FAF1: variants seen among roughly 807,000 people sequenced by gnomAD.
The protein encoded by FAF1 is Fas associated factor 1, also known as FAS-associated factor 1.
FAF1 carries 25 observed loss-of-function variants against 92.5 expected under a neutral mutation model. The observed-to-expected ratio is 0.27, with a 90% CI of 0.20 to 0.38. The LOEUF (loss-of-function observed/expected upper bound fraction) is 0.38. Ranked by LOEUF, FAF1 falls within the 10% of genes least tolerant of loss-of-function variation. The probability of loss-of-function intolerance (pLI) is 1.00; values close to 1 mark genes in which losing one functional copy is unlikely to be tolerated. For missense variants in FAF1, 636 were observed against 793.3 expected (o/e 0.80, Z 2.38); for synonymous variants, 234 against 273.2 (o/e 0.86, Z 1.42).
intron 13 of FAF1, among the ~76,000 whole-genome samples, chr1:50,547,679 G>A (rs1035118079): frequency 6.6e-6 from 1 of 152,160 alleles, no homozygotes; most frequent in Non-Finnish European, 1.5e-5. Flanking sequence ...CTCCCAAAGT[G>A]CTGGGATTAC....
intron 1 of FAF1, among the ~76,000 whole-genome samples, chr1:50,958,433 T>G (rs572409357): frequency 1.4e-4 from 22 of 152,186 alleles, no homozygotes; most frequent in African/African-American, 5.3e-4. Flanking sequence ...ATCCCAGCAC[T>G]TTGGGAGGCC....
At position 50,626,328 on chromosome 1, in the gene FAF1, C is replaced by T. The variant is rs906411518; in HGVS notation, c.744+29114G>A. Among the ~76,000 whole-genome samples, 6 of 151,978 alleles carry T rather than the reference C, an allele frequency of 3.9e-5. No individual in the cohort carries two copies. In the East Asian group the frequency reaches 9.6e-4, roughly 24 times the overall value. On this transcript the variant is annotated intron_variant, in intron 8 of 18. Transcript: ENST00000396153. ...AATAATGAACAAAAACAGACATATG[C>T]CCTTGTGGAACATATGGTATAAAAT...
At chr1:50,877,093 G>A (rs1424347264) in intron 1 of FAF1, among the ~76,000 whole-genome samples, 1 of 152,180 alleles carries the variant, frequency 6.6e-6, no homozygotes, top group Non-Finnish European at 1.5e-5. Context: ...TATTCCTAAA[G>A]TATGGGATGC....
At chr1:50,571,517 TC>T (rs1223129525) in intron 12 of FAF1, among the ~76,000 whole-genome samples, 1 of 152,182 alleles carries the variant, frequency 6.6e-6, no homozygotes, top group East Asian at 1.9e-4. Flanking sequence ...TCCTGAACTA[TC>T]CATGCAAAAT....
intron 15 of FAF1, among the ~76,000 whole-genome samples, chr1:50,523,188 C>T (rs1647595833): frequency 6.6e-6 from 1 of 151,916 alleles, no homozygotes; most frequent in Admixed American, 6.6e-5. Context: ...GGATTATTTC[C>T]ACTTTTTGGC....
intron 13 of FAF1, among the ~76,000 whole-genome samples, chr1:50,542,212 T>A (rs559973507): frequency 6.6e-6 from 1 of 152,298 alleles, no homozygotes; most frequent in South Asian, 2.1e-4. Context: ...AAATATGAAT[T>A]ATGTTTGAGA....
At chr1:50,539,943 C>A (rs1269068307) in intron 13 of FAF1, among the ~76,000 whole-genome samples, 2 of 152,002 alleles carry the variant, frequency 1.3e-5, no homozygotes, top group Non-Finnish European at 2.9e-5. Flanking sequence ...ACCCTAAATG[C>A]TGTCTGGGGC....
chr1:50,613,034 T>C (rs1652749986), intron 8 of FAF1, among the ~76,000 whole-genome samples: 1 of 152,232 alleles, frequency 6.6e-6, no homozygotes, highest in African/African-American at 2.4e-5. Flanking sequence ...GGTTGCTTTG[T>C]ATATGCCATG....
chr1:50,464,992 G>C (rs960636323), intron 18 of FAF1, among the ~76,000 whole-genome samples: 1 of 152,128 alleles, frequency 6.6e-6, no homozygotes, highest in Non-Finnish European at 1.5e-5. Context: ...TCCCCTGCCT[G>C]GTGGTATTTC....
rs185538320 is a variant in FAF1 at position 50,811,015 on chromosome 1, C to A, written c.115-9338G>T. On this transcript the variant is annotated intron_variant, in intron 2 of 18. Coordinates refer to ENST00000396153, the MANE Select transcript of FAF1 (RefSeq NM_007051.3). ...AGGTGAGATCGTGCCACTGTTCCAG[C>A]CTGGGTGACAGAGTGAGACTCTGTC... Among the ~76,000 whole-genome samples, 12 of 152,054 alleles carry A rather than the reference C, an allele frequency of 7.9e-5. No individual in the cohort carries two copies. In the East Asian group the frequency reaches 1.9e-3, roughly 25 times the overall value.
chr1:50,730,801 T>C (rs1208240759), intron 6 of FAF1, among the ~76,000 whole-genome samples: 2 of 152,222 alleles, frequency 1.3e-5, no homozygotes, highest in East Asian at 3.8e-4. Flanking sequence ...ATTCAGGTAT[T>C]TGCTCTTGAA....
intron 2 of FAF1, among the ~76,000 whole-genome samples, chr1:50,822,279 C>T (rs995347672): frequency 1.3e-5 from 2 of 152,040 alleles, no homozygotes; most frequent in Non-Finnish European, 2.9e-5. Context: ...GCCCAACAGG[C>T]AGAATCAAGA....
intron 8 of FAF1, among the ~76,000 whole-genome samples, chr1:50,625,015 C>T (rs1254622060): frequency 6.6e-6 from 1 of 151,526 alleles, no homozygotes; most frequent in East Asian, 1.9e-4. Context: ...GATTCTCCTG[C>T]CTCAGCCTCC....
chr1:50,641,779 C>T (rs976736580), intron 8 of FAF1, among the ~76,000 whole-genome samples: 3 of 152,176 alleles, frequency 2.0e-5, no homozygotes, highest in African/African-American at 7.2e-5. Context: ...GAAATCTCTA[C>T]CTGTGTGTCA....
chr1:50,502,000 A>C (rs887655088), intron 15 of FAF1, among the ~76,000 whole-genome samples: 7 of 152,236 alleles, frequency 4.6e-5, no homozygotes, highest in Non-Finnish European at 7.3e-5. Context: ...ATTGTGAAAA[A>C]TATAAACACT....
In FAF1 at chr1:50,759,210, T is replaced by G. The variant is rs999124209; in HGVS notation, c.368-14435A>C. ...ACATGTGCACAATGTGCAGGTTAGTTACATATGTATACATGTGCCATGCTG... is the reference window on the plus strand; with the variant it reads ...ACATGTGCACAATGTGCAGGTTAGTGACATATGTATACATGTGCCATGCTG... On this transcript the variant is annotated intron_variant, in intron 4 of 18. Transcript: ENST00000396153. Among the ~76,000 whole-genome samples the G allele has an allele frequency of 3.0e-4, 45 of 151,972 alleles. 1 individual carries two copies. Among genetic ancestry groups the G allele is most frequent in the African/African-American group, 9.9e-4 (41 of 41,386 alleles).
chr1:50,545,019 C>T (rs1214441264), intron 13 of FAF1, among the ~76,000 whole-genome samples: 5 of 151,988 alleles, frequency 3.3e-5, no homozygotes, highest in Non-Finnish European at 7.4e-5. Context: ...GTAAAACACA[C>T]ACACACACCA....
intron 2 of FAF1, among the ~76,000 whole-genome samples, chr1:50,803,430 T>G (rs1662075474): frequency 6.6e-6 from 1 of 152,186 alleles, no homozygotes; most frequent in Non-Finnish European, 1.5e-5. Flanking sequence ...ACTGAACTTA[T>G]CTGAGCCTCA....
chr1:50,448,257 G>A (rs770213398), intron 18 of FAF1, among the ~76,000 whole-genome samples: 3 of 152,144 alleles, frequency 2.0e-5, no homozygotes, highest in Non-Finnish European at 4.4e-5. Context: ...CCAGTGGCTG[G>A]AACTGTTGAA....
Sources: gnomAD v4.1 joint callset for allele counts (sites outside exome capture counted in the v4.1 genomes callset) on GRCh38, gnomAD v4.1.1 for gene constraint, MANE v1.5 for transcripts, NCBI Gene and HGNC (gene_info 2026-07-23, HGNC 2026-07-21) for gene names.